The following EFL1 variants were observed in gnomAD, a reference collection of about 807,000 sequenced individuals.
EFL1 encodes elongation factor-like GTPase 1.
A neutral mutation model predicts 126.7 loss-of-function variants in EFL1; 76 were observed. The observed-to-expected ratio is 0.60, with a 90% CI of 0.50 to 0.73. The LOEUF (loss-of-function observed/expected upper bound fraction) is 0.73. Among genes scored for constraint, EFL1 ranks in the 30% least tolerant of loss-of-function variants. EFL1 has a pLI of 0.00. For synonymous variants in EFL1, 410 were observed against 448.4 expected, an observed-to-expected ratio of 0.91 and a Z score of 1.08; for missense variants, 1,128 against 1,343.2, an observed-to-expected ratio of 0.84 and a Z score of 2.50.
At chr15:82,206,619 T>C (rs189710166) in intron 15 of EFL1, among the ~76,000 whole-genome samples, 5 of 152,260 alleles carry the variant, frequency 3.3e-5, no homozygotes, top group Non-Finnish European at 4.4e-5. Flanking sequence ...ATGTTAATTA[T>C]TGTCATGAAT....
intron 15 of EFL1, among the ~76,000 whole-genome samples, chr15:82,167,462 G>A (rs1168200375): frequency 6.6e-6 from 1 of 151,998 alleles, no homozygotes; most frequent in Non-Finnish European, 1.5e-5. Flanking sequence ...TTTCTAGGCT[G>A]TCCCAAATGT....
At chr15:82,245,219 A>G (rs1383710438) in intron 4 of EFL1, among the ~76,000 whole-genome samples, 5 of 152,174 alleles carry the variant, frequency 3.3e-5, no homozygotes, top group Non-Finnish European at 5.9e-5. Flanking sequence ...TGGCACAATC[A>G]TAGCTCACTG....
intron 15 of EFL1, among the ~76,000 whole-genome samples, chr15:82,196,993 T>C (rs1471343070): frequency 3.3e-5 from 5 of 150,520 alleles, no homozygotes; most frequent in African/African-American, 4.9e-5. Context: ...GATTGCACCA[T>C]TGCACTCCAG....
chr15:82,182,689 G>C (rs1408941700), intron 15 of EFL1, among the ~76,000 whole-genome samples: 1 of 152,052 alleles, frequency 6.6e-6, no homozygotes, highest in African/African-American at 2.4e-5. Flanking sequence ...GCCGGGCGTG[G>C]TGGTGGGCGC....
At chr15:82,230,056 TA>T (rs2074805166) in intron 8 of EFL1, among the ~76,000 whole-genome samples, 1 of 152,138 alleles carries the variant, frequency 6.6e-6, no homozygotes. Context: ...ATATTGTTTA[TA>T]AAAAAGCTTT....
chr15:82,164,758 G>A (rs988498985), intron 15 of EFL1, among the ~76,000 whole-genome samples: 10 of 152,008 alleles, frequency 6.6e-5, no homozygotes, highest in Non-Finnish European at 1.2e-4. Flanking sequence ...TTAGCCGGGC[G>A]TGGTGGTGGG....
chr15:82,219,499 C>T (rs2074685352), intron 14 of EFL1, among the ~76,000 whole-genome samples, 153 bp downstream of exon 14: 1 of 152,122 alleles, frequency 6.6e-6, no homozygotes, highest in South Asian at 2.1e-4. Context: ...CAAATGTTAT[C>T]AAAGCAACAC....
chr15:82,181,032 T>A (rs1470032502), intron 15 of EFL1, among the ~76,000 whole-genome samples: 2 of 150,892 alleles, frequency 1.3e-5, no homozygotes, highest in African/African-American at 4.9e-5. Flanking sequence ...CTGGCCTAAA[T>A]TTTTTTTTTA....
chr15:82,217,309 A>G (rs919039037), intron 14 of EFL1, among the ~76,000 whole-genome samples: 2 of 129,068 alleles, frequency 1.5e-5, no homozygotes, highest in African/African-American at 5.8e-5. Context: ...ATTCCCTAGA[A>G]TTTCTTGTAA....
intron 15 of EFL1, among the ~76,000 whole-genome samples, chr15:82,202,032 C>T (rs1865378195): frequency 6.6e-6 from 1 of 152,008 alleles, no homozygotes; most frequent in Non-Finnish European, 1.5e-5. Flanking sequence ...GGATTCACTC[C>T]TTTTGCCTTG....
At chr15:82,171,880 T>C (rs553896118) in intron 15 of EFL1, among the ~76,000 whole-genome samples, 253 of 150,220 alleles carry the variant, frequency 1.7e-3, no homozygotes, top group African/African-American at 5.2e-3. Flanking sequence ...AATTTATATA[T>C]ACACACACAC....
At chr15:82,228,084 T>C (rs552734154) in intron 10 of EFL1, 107 bp downstream of exon 10, 98 of 1,376,452 alleles carry the variant, frequency 7.1e-5, no homozygotes, top group Non-Finnish European at 9.1e-5. Context: ...AGAAGACTTA[T>C]TTTGGATTGA....
At chr15:82,173,379 C>T (rs1802284561) in intron 15 of EFL1, among the ~76,000 whole-genome samples, 1 of 152,130 alleles carries the variant, frequency 6.6e-6, no homozygotes. Context: ...AGAAGTGGTA[C>T]TGCTGAGGAA....
At chr15:82,205,511 A>G (rs1358252673) in intron 15 of EFL1, among the ~76,000 whole-genome samples, 2 of 152,044 alleles carry the variant, frequency 1.3e-5, no homozygotes, top group Admixed American at 6.6e-5. Flanking sequence ...TTCCACTGAT[A>G]CAACAAGTAT....
At chr15:82,148,239 G>C (rs889846734) in intron 18 of EFL1, among the ~76,000 whole-genome samples, 4 of 152,008 alleles carry the variant, frequency 2.6e-5, no homozygotes, top group Non-Finnish European at 4.4e-5. Context: ...TTAGCCAGGT[G>C]TGGTGGCATG....
intron 6 of EFL1, 74 bp downstream of exon 6, chr15:82,240,344 T>G (rs1386429915): frequency 1.4e-6 from 2 of 1,437,316 alleles, no homozygotes; most frequent in African/African-American, 2.9e-5. Context: ...TAGCAACGGC[T>G]CATACCCAGC....
At chr15:82,156,567 G>A (rs1281831616) in intron 17 of EFL1, among the ~76,000 whole-genome samples, 2 of 152,172 alleles carry the variant, frequency 1.3e-5, no homozygotes, top group Non-Finnish European at 2.9e-5. Context: ...AGAGGCGTGA[G>A]CCACCGTGCC....
rs1595994242 is a variant in EFL1 at position 82,225,232 on chromosome 15, G to C, written c.1225C>G (p.Pro409Ala). The change falls in exon 12 of 20, where the codon CCA becomes GCA. Residue 409 changes from proline to alanine, a missense_variant. This residue lies in a region of EFL1 where 316 missense variants were observed against 318.5 expected (regional missense o/e 0.99). Transcript: ENST00000268206. ...FMKCGSEDTA[P>A]VIIFVSKMFA... ...ATTTTGGAAACAAATATAATAACTG[G>C]AGCAGTGTCCTCACTTCCACATTTC... The C allele has an allele frequency of 6.2e-7, 1 of 1,610,878 alleles. No homozygotes were observed. The highest frequency in any genetic ancestry group is 1.1e-5 in the South Asian group (1 of 90,582).
chr15:82,144,438 T>C (rs1186639556), intron 18 of EFL1, among the ~76,000 whole-genome samples: 1 of 152,200 alleles, frequency 6.6e-6, no homozygotes, highest in Non-Finnish European at 1.5e-5. Flanking sequence ...CAAAGTACCA[T>C]GACTTTCAAG....
Sources: allele counts gnomAD v4.1 joint callset (sites outside exome capture counted in the v4.1 genomes callset), GRCh38; gene constraint gnomAD v4.1.1; regional missense constraint gnomAD v4.1.1; transcripts MANE v1.5; gene names NCBI Gene and HGNC (gene_info 2026-07-23, HGNC 2026-07-21).